Variants in GRID1 observed in about 807,000 individuals in gnomAD.
GRID1 encodes glutamate ionotropic receptor delta type subunit 1.
A neutral mutation model predicts 98.0 loss-of-function variants in GRID1; 28 were observed. The ratio of observed to expected loss-of-function variants is 0.29; its 90% CI spans 0.21 to 0.39. The LOEUF (loss-of-function observed/expected upper bound fraction) is 0.39. GRID1 is among the 10% of genes least tolerant of loss of function. The probability of loss-of-function intolerance (pLI) is 1.00; values close to 1 mark genes in which losing one functional copy is unlikely to be tolerated. For synonymous variants in GRID1, 553 were observed against 538.5 expected, an observed-to-expected ratio of 1.03 and a Z score of -0.37; for missense variants, 1,111 against 1,340.5, an observed-to-expected ratio of 0.83 and a Z score of 2.67.
intron 8 of GRID1, among the ~76,000 whole-genome samples, chr10:85,842,809 C>G (rs1842972593): frequency 6.6e-6 from 1 of 152,002 alleles, no homozygotes; most frequent in Non-Finnish European, 1.5e-5. Context: ...AGGATTATAT[C>G]AAACATTTAA....
At chr10:86,199,298 G>A (rs1845915991) in intron 3 of GRID1, among the ~76,000 whole-genome samples, 1 of 152,094 alleles carries the variant, frequency 6.6e-6, no homozygotes. Context: ...CTTCTACTCA[G>A]TACATAAGGA....
chr10:86,233,378 T>G (rs1380166460), intron 2 of GRID1, among the ~76,000 whole-genome samples: 1 of 152,294 alleles, frequency 6.6e-6, no homozygotes, highest in Middle Eastern at 3.4e-3. Flanking sequence ...CAGGCTGTGG[T>G]GCGGAGGCTG....
chr10:86,060,842 GT>G (rs1380804650), intron 4 of GRID1, among the ~76,000 whole-genome samples: 2 of 152,114 alleles, frequency 1.3e-5, no homozygotes, highest in African/African-American at 4.8e-5. Flanking sequence ...CCATAGACTG[GT>G]CCCCTGTCCA....
chr10:85,740,877 G>A (rs979858988), intron 8 of GRID1, among the ~76,000 whole-genome samples: 1 of 151,600 alleles, frequency 6.6e-6, no homozygotes, highest in Non-Finnish European at 1.5e-5. Flanking sequence ...TCAGCCTCCC[G>A]AGTAGCTGGG....
intron 5 of GRID1, among the ~76,000 whole-genome samples, chr10:85,882,761 T>A (rs1841052324): frequency 1.3e-5 from 2 of 152,088 alleles, no homozygotes; most frequent in South Asian, 4.2e-4. Flanking sequence ...ACCCTAAAAC[T>A]TAAAGTGTAA....
chr10:86,112,833 G>A (rs1465157744), intron 4 of GRID1, among the ~76,000 whole-genome samples: 1 of 152,208 alleles, frequency 6.6e-6, no homozygotes, highest in Non-Finnish European at 1.5e-5. Flanking sequence ...TCTTCTCCCT[G>A]TGAGCCTGGC....
intron 12 of GRID1, among the ~76,000 whole-genome samples, chr10:85,662,661 G>T (rs56694188): frequency 6.6e-6 from 1 of 152,200 alleles, no homozygotes; most frequent in African/African-American, 2.4e-5. Context: ...ACTGAGCCTT[G>T]TATGACATTT....
Position 86,009,133 on chromosome 10 carries a change from T to C in GRID1, c.727-92894A>G, listed in dbSNP as rs1842896912. Among the ~76,000 whole-genome samples the C allele has an allele frequency of 2.0e-5, 3 of 152,078 alleles. No individual in the cohort carries two copies. The South Asian group carries it at 6.2e-4, about 32-fold the overall frequency. ...AATAATCCAATTCTGAGGTCCAACTTATAACCGAAAAAAAAAGTGGACAAT... is the reference window on the plus strand; with the variant it reads ...AATAATCCAATTCTGAGGTCCAACTCATAACCGAAAAAAAAAGTGGACAAT... On this transcript the variant is annotated intron_variant, in intron 4 of 15. Transcript: ENST00000327946.
chr10:85,763,529 A>T (rs1842169022), intron 8 of GRID1, among the ~76,000 whole-genome samples: 1 of 152,212 alleles, frequency 6.6e-6, no homozygotes, highest in Non-Finnish European at 1.5e-5. Context: ...CATAACTGTG[A>T]CAATTTATCT....
chr10:86,262,863 A>G (rs1166032941), intron 2 of GRID1, among the ~76,000 whole-genome samples: 1 of 152,168 alleles, frequency 6.6e-6, no homozygotes, highest in East Asian at 1.9e-4. Context: ...CAGAGAGCCC[A>G]GGAGCCAGAA....
intron 13 of GRID1, among the ~76,000 whole-genome samples, chr10:85,639,795 C>G (rs946271502): frequency 6.6e-6 from 1 of 152,322 alleles, no homozygotes; most frequent in African/African-American, 2.4e-5. Context: ...ATCGCTTGAA[C>G]CTGGGAGGCG....
intron 3 of GRID1, among the ~76,000 whole-genome samples, chr10:86,190,963 T>C (rs568990064): frequency 1.8e-4 from 28 of 152,344 alleles, no homozygotes; most frequent in African/African-American, 6.5e-4. Flanking sequence ...CTCAAATGCA[T>C]GTGCCTGTGT....
intron 13 of GRID1, among the ~76,000 whole-genome samples, chr10:85,640,688 G>A (rs779725212): frequency 2.0e-5 from 3 of 152,188 alleles, no homozygotes; most frequent in Admixed American, 6.5e-5. Flanking sequence ...TCTGCCACAG[G>A]TGTAGTCCCT....
At chr10:85,673,442 C>A (rs1331702189) in intron 12 of GRID1, among the ~76,000 whole-genome samples, 3 of 152,150 alleles carry the variant, frequency 2.0e-5, no homozygotes, top group African/African-American at 4.8e-5. Flanking sequence ...ACAGAGAATT[C>A]TTTCATGAAA....
At chr10:85,611,782 T>A (rs928329801) in intron 15 of GRID1, among the ~76,000 whole-genome samples, 1 of 152,142 alleles carries the variant, frequency 6.6e-6, no homozygotes, top group African/African-American at 2.4e-5. Flanking sequence ...AGAGGTCAGA[T>A]ATGTGTAGCC....
At chr10:85,898,537 C>CTATACAAAATATTGTTTTCTTTATA (rs2131813992) in intron 5 of GRID1, among the ~76,000 whole-genome samples, 1 of 152,296 alleles carries the variant, frequency 6.6e-6, no homozygotes, top group African/African-American at 2.4e-5. Flanking sequence ...CAATGTATAG[C>CTATACAAAATATTGTTTTCTTTATA]TATACAAAAT....
intron 2 of GRID1, among the ~76,000 whole-genome samples, chr10:86,358,958 G>A (rs112729473): frequency 0.015 from 2,213 of 152,084 alleles, 50 homozygotes; most frequent in African/African-American, 0.05. Flanking sequence ...AAAGGGCCAG[G>A]GGCTGAGGAA....
chr10:85,745,949 T>C (rs933126391), intron 8 of GRID1, among the ~76,000 whole-genome samples: 1 of 152,158 alleles, frequency 6.6e-6, no homozygotes, highest in Non-Finnish European at 1.5e-5. Flanking sequence ...TAACAAGTTT[T>C]AATTGAGGAG....
chr10:86,331,491 A>G (rs1240940874), intron 2 of GRID1, among the ~76,000 whole-genome samples: 1 of 152,190 alleles, frequency 6.6e-6, no homozygotes, highest in African/African-American at 2.4e-5. Flanking sequence ...AAGGTGTACA[A>G]AGTGCCCACA....
Sources: gnomAD v4.1 joint callset for allele counts (sites outside exome capture counted in the v4.1 genomes callset) on GRCh38, gnomAD v4.1.1 for gene constraint, MANE v1.5 for transcripts, NCBI Gene and HGNC (gene_info 2026-07-23, HGNC 2026-07-21) for gene names.